The following CDH12 variants were observed in gnomAD, a reference collection of about 807,000 sequenced individuals.
CDH12 encodes cadherin-12.
In CDH12, 41 loss-of-function variants were observed where a neutral mutation model predicts 74.1. That is an observed-to-expected ratio of 0.55 (90% CI 0.43 to 0.72). CDH12 has a LOEUF of 0.72. Ranked by LOEUF, CDH12 falls within the 30% of genes least tolerant of loss-of-function variation. The pLI is 0.00. For synonymous variants in CDH12, 399 were observed against 355.0 expected (o/e 1.12, Z -1.39); for missense variants, 945 against 977.2 (o/e 0.97, Z 0.44).
chr5:22,494,495 A>T (rs2126645655), intron 2 of CDH12, among the ~76,000 whole-genome samples: 1 of 152,390 alleles, frequency 6.6e-6, no homozygotes, highest in Non-Finnish European at 1.5e-5. Flanking sequence ...TTAAATGTAC[A>T]TACAACTCAC....
chr5:22,342,593 TTCTC>T (rs60788741), intron 3 of CDH12, among the ~76,000 whole-genome samples: 52,285 of 141,514 alleles, frequency 0.37, 9,646 homozygotes, highest in South Asian at 0.49. Flanking sequence ...CTTCCTTCCT[TTCTC>T]TCTTTCTTAC....
At chr5:21,855,786 C>T (rs1473122917) in intron 6 of CDH12, among the ~76,000 whole-genome samples, 1 of 151,616 alleles carries the variant, frequency 6.6e-6, no homozygotes, top group Admixed American at 6.6e-5. Flanking sequence ...TTCCATTACT[C>T]ATTCAGCCTT....
chr5:22,605,996 G>C (rs1383222469), intron 1 of CDH12, among the ~76,000 whole-genome samples: 1 of 152,200 alleles, frequency 6.6e-6, no homozygotes, highest in Non-Finnish European at 1.5e-5. Flanking sequence ...AGGGCAACTA[G>C]TAGAGCATTT....
chr5:22,675,850 A>G (rs1448470704), intron 1 of CDH12, among the ~76,000 whole-genome samples: 1 of 57,542 alleles, frequency 1.7e-5, no homozygotes, highest in Non-Finnish European at 3.6e-5. Flanking sequence ...ATATTTGTAT[A>G]TATTTATACT....
intron 3 of CDH12, among the ~76,000 whole-genome samples, chr5:22,365,745 C>CA (rs1248649536): frequency 6.6e-6 from 1 of 152,084 alleles, no homozygotes; most frequent in Non-Finnish European, 1.5e-5. Flanking sequence ...TCCCTCACCA[C>CA]AAAAAATTCT....
chr5:21,853,314 G>T lies in CDH12; in HGVS notation c.646+1357C>A, dbSNP rs766482952. Among the ~76,000 whole-genome samples, 32 of 151,562 alleles carry T rather than the reference G, an allele frequency of 2.1e-4. 1 individual carries two copies. Among genetic ancestry groups the T allele is most frequent in the African/African-American group, 6.8e-4 (28 of 41,356 alleles). On this transcript the variant is annotated intron_variant, in intron 7 of 14. Transcript: ENST00000382254. ...CCAAAACTCTATCGAAATCAGAGGA[G>T]CTTCTTTGTCCTAAGCCATTCTGGA...
At chr5:21,972,380 G>A (rs545633408) in intron 6 of CDH12, among the ~76,000 whole-genome samples, 1 of 152,110 alleles carries the variant, frequency 6.6e-6, no homozygotes, top group African/African-American at 2.4e-5. Context: ...TTGGTATACT[G>A]TCAATATACC....
chr5:22,204,520 A>C (rs1751113066), intron 4 of CDH12, among the ~76,000 whole-genome samples: 1 of 152,212 alleles, frequency 6.6e-6, no homozygotes, highest in South Asian at 2.1e-4. Flanking sequence ...AAGTAGTAAA[A>C]AATACAATGT....
At chr5:22,456,358 G>C (rs779312095) in intron 2 of CDH12, among the ~76,000 whole-genome samples, 1 of 151,862 alleles carries the variant, frequency 6.6e-6, no homozygotes, top group Non-Finnish European at 1.5e-5. Context: ...GTGTCAGTGT[G>C]TATTGACTCC....
chr5:22,270,626 C>T (rs1290886788), intron 3 of CDH12, among the ~76,000 whole-genome samples: 2 of 148,628 alleles, frequency 1.3e-5, no homozygotes, highest in Non-Finnish European at 3.0e-5. Context: ...TATATGTATA[C>T]ACACACACAC....
intron 3 of CDH12, among the ~76,000 whole-genome samples, chr5:22,276,772 C>T (rs551388866): frequency 3.9e-5 from 6 of 152,152 alleles, no homozygotes; most frequent in South Asian, 2.1e-4. Flanking sequence ...CTGCAACCTC[C>T]GCCTTCTGGG....
intron 2 of CDH12, among the ~76,000 whole-genome samples, chr5:22,454,778 C>T (rs1745198468): frequency 1.3e-5 from 2 of 152,276 alleles, no homozygotes; most frequent in East Asian, 3.9e-4. Context: ...CCCAGCCTCT[C>T]TTCTTTTCCT....
rs896991133 is a variant in CDH12 at position 22,683,584 on chromosome 5, C to T, written c.-523+169474G>A. Among the ~76,000 whole-genome samples, 18 of 152,234 alleles carry T rather than the reference C, an allele frequency of 1.2e-4. 1 individual carries two copies. The East Asian group carries it at 1.7e-3, about 15-fold the overall frequency. ...TTATTTCACTGCAACACATTTTTTT[C>T]TGCATTGAAAAAGCAATTTCTCAAA... On this transcript the variant is annotated intron_variant, in intron 1 of 14. Coordinates refer to ENST00000382254, the MANE Select transcript of CDH12 (RefSeq NM_004061.5).
chr5:22,234,611 G>A (rs1292963008), intron 3 of CDH12, among the ~76,000 whole-genome samples: 1 of 126,462 alleles, frequency 7.9e-6, no homozygotes, highest in Non-Finnish European at 1.8e-5. Context: ...GCATGAAAAT[G>A]CACTAATACA....
At chr5:22,275,842 C>G in intron 3 of CDH12, among the ~76,000 whole-genome samples, 1 of 152,108 alleles carries the variant, frequency 6.6e-6, no homozygotes, top group Non-Finnish European at 1.5e-5. Context: ...GAAATGCAAT[C>G]TGAAGGTAGA....
intron 8 of CDH12, among the ~76,000 whole-genome samples, chr5:21,818,030 C>A (rs1748159511): frequency 6.6e-6 from 1 of 151,950 alleles, no homozygotes; most frequent in African/African-American, 2.4e-5. Context: ...AGTGCATGCT[C>A]TTTTACTGAC....
At chr5:22,610,188 A>G (rs750633967) in intron 1 of CDH12, among the ~76,000 whole-genome samples, 19 of 152,314 alleles carry the variant, frequency 1.2e-4, no homozygotes, top group Non-Finnish European at 2.5e-4. Context: ...TGATACAGAC[A>G]AGCAAAGAAA....
intron 4 of CDH12, among the ~76,000 whole-genome samples, chr5:22,191,377 A>G (rs1297818029): frequency 6.6e-6 from 1 of 152,118 alleles, no homozygotes; most frequent in African/African-American, 2.4e-5. Flanking sequence ...GCTCATAGAT[A>G]CACTGGATCG....
chr5:21,864,000 A>G (rs1249382099), intron 6 of CDH12, among the ~76,000 whole-genome samples: 6 of 152,318 alleles, frequency 3.9e-5, no homozygotes, highest in Non-Finnish European at 7.4e-5. Context: ...TTATAAATAT[A>G]CTAAAGTTGC....
Sources: allele counts gnomAD v4.1 joint callset (sites outside exome capture counted in the v4.1 genomes callset), GRCh38; gene constraint gnomAD v4.1.1; transcripts MANE v1.5; gene names NCBI Gene and HGNC (gene_info 2026-07-23, HGNC 2026-07-21).